LDLRAD4: variants seen among roughly 807,000 people sequenced by gnomAD.
LDLRAD4 encodes low-density lipoprotein receptor class A domain-containing protein 4.
LDLRAD4 carries 5 observed loss-of-function variants against 17.0 expected under a neutral mutation model. That is an observed-to-expected ratio of 0.29 (90% CI 0.15 to 0.62). The LOEUF (loss-of-function observed/expected upper bound fraction) is 0.62. LDLRAD4 is among the 20% of genes least tolerant of loss of function. LDLRAD4 has a pLI of 0.84. For missense variants in LDLRAD4, 340 were observed against 424.7 expected, an observed-to-expected ratio of 0.80 and a Z score of 1.75; for synonymous variants, 168 against 171.8, an observed-to-expected ratio of 0.98 and a Z score of 0.17.
At chr18:13,253,234 G>A (rs1185054134) in intron 1 of LDLRAD4, among the ~76,000 whole-genome samples, 2 of 152,036 alleles carry the variant, frequency 1.3e-5, no homozygotes, top group Non-Finnish European at 2.9e-5. Flanking sequence ...AGTGTCAGAC[G>A]TGGGGTGGGG....
chr18:13,267,415 C>T (rs895919856), intron 1 of LDLRAD4, among the ~76,000 whole-genome samples: 1 of 152,224 alleles, frequency 6.6e-6, no homozygotes, highest in Non-Finnish European at 1.5e-5. Flanking sequence ...CAGCATCACC[C>T]GTTCCACCTG....
chr18:13,522,595 A>G (rs924456653), intron 3 of LDLRAD4: 3 of 152,006 alleles, frequency 2.0e-5, no homozygotes, highest in Admixed American at 1.3e-4. Context: ...CCTGCTTGAA[A>G]TCCTCAACAG....
At chr18:13,502,822 G>A (rs2147311272) in intron 3 of LDLRAD4, among the ~76,000 whole-genome samples, 1 of 152,374 alleles carries the variant, frequency 6.6e-6, no homozygotes, top group South Asian at 2.1e-4. Flanking sequence ...AGCACAGCTG[G>A]TGGGGAACTT....
intron 3 of LDLRAD4, among the ~76,000 whole-genome samples, chr18:13,562,262 C>T (rs948522209): frequency 2.0e-5 from 3 of 152,208 alleles, no homozygotes; most frequent in Non-Finnish European, 2.9e-5. Flanking sequence ...GGTAGAGGGA[C>T]TGTCATGGAA....
chr18:13,454,563 C>T (rs2092018715), intron 3 of LDLRAD4, among the ~76,000 whole-genome samples: 1 of 152,210 alleles, frequency 6.6e-6, no homozygotes, highest in Non-Finnish European at 1.5e-5. Context: ...GAAACATACA[C>T]TCAGTGAGTA....
chr18:13,369,194 C>G (rs888269222), intron 1 of LDLRAD4, among the ~76,000 whole-genome samples: 1 of 152,238 alleles, frequency 6.6e-6, no homozygotes, highest in Non-Finnish European at 1.5e-5. Flanking sequence ...ATAGCGACCA[C>G]TTACTCACCT....
chr18:13,383,517 C>T (rs1000906261), intron 1 of LDLRAD4, among the ~76,000 whole-genome samples: 14 of 152,214 alleles, frequency 9.2e-5, no homozygotes, highest in African/African-American at 3.4e-4. Context: ...AGCTCATGAG[C>T]AGGAGGCTCA....
At chr18:13,255,519 A>T (rs916428203) in intron 1 of LDLRAD4, among the ~76,000 whole-genome samples, 1 of 152,216 alleles carries the variant, frequency 6.6e-6, no homozygotes, top group African/African-American at 2.4e-5. Context: ...ATGTGCACAT[A>T]CAGGCATGTG....
At chr18:13,490,154 T>C (rs2093329028) in intron 3 of LDLRAD4, 1 of 152,156 alleles carries the variant, frequency 6.6e-6, no homozygotes, top group African/African-American at 2.4e-5. Flanking sequence ...CCAAATGGCT[T>C]CCTGTGATCC....
At chr18:13,639,441 C>T (rs1239102323) in intron 4 of LDLRAD4, among the ~76,000 whole-genome samples, 1 of 152,252 alleles carries the variant, frequency 6.6e-6, no homozygotes, top group East Asian at 1.9e-4. Flanking sequence ...CAGCAGGCTT[C>T]ATCAGCAGCA....
intron 3 of LDLRAD4, among the ~76,000 whole-genome samples, chr18:13,482,258 C>T (rs2093108823): frequency 6.6e-6 from 1 of 152,122 alleles, no homozygotes; most frequent in Admixed American, 6.5e-5. Flanking sequence ...ACCCGCTGCC[C>T]ACCTCACCCC....
intron 3 of LDLRAD4, among the ~76,000 whole-genome samples, chr18:13,602,831 G>A (rs1474375407): frequency 6.6e-6 from 1 of 152,054 alleles, no homozygotes; most frequent in Non-Finnish European, 1.5e-5. Flanking sequence ...ACTTTTTCAA[G>A]TCACAAATAA....
At chr18:13,264,150 G>A (rs1053725962) in intron 1 of LDLRAD4, among the ~76,000 whole-genome samples, 4 of 152,168 alleles carry the variant, frequency 2.6e-5, no homozygotes, top group Non-Finnish European at 5.9e-5. Flanking sequence ...TGAGCAGTTG[G>A]TTGAGTGGGT....
chr18:13,310,447 G>C (rs964511672), intron 1 of LDLRAD4, among the ~76,000 whole-genome samples: 1 of 152,184 alleles, frequency 6.6e-6, no homozygotes, highest in African/African-American at 2.4e-5. Context: ...AGACGTTGTG[G>C]TTGAAAAGGA....
intron 3 of LDLRAD4, among the ~76,000 whole-genome samples, chr18:13,475,306 C>A (rs1458894323): frequency 6.6e-6 from 1 of 152,138 alleles, no homozygotes; most frequent in African/African-American, 2.4e-5. Context: ...ACAACAGGAT[C>A]CCTGGAGCCC....
intron 1 of LDLRAD4, among the ~76,000 whole-genome samples, chr18:13,299,722 A>G (rs1335589768): frequency 6.6e-6 from 1 of 152,134 alleles, no homozygotes; most frequent in East Asian, 1.9e-4. Context: ...CACAGCTGTA[A>G]TCCAAGCTAC....
At position 13,645,231 on chromosome 18, in the gene LDLRAD4, G is replaced by T; in HGVS notation, c.495G>T (p.Glu165Asp). The stretch of plus-strand genomic sequence containing the variant: ...CCACCTACCCCTATGTGCAGCACGA[G>T]ATTGATCTTCCTCCCACCATCTCCC... Residue 165 changes from glutamate (E) to aspartate (D), a missense_variant, in exon 6 of 6, where the codon GAG (glutamate) becomes GAT (aspartate). Coordinates refer to ENST00000359446, the Ensembl canonical transcript of LDLRAD4. This position sits in a 1 kb window ranked among gnomAD's most constrained non-coding sequence, Gnocchi z 5.7. 6.2e-7 allele frequency: 1 copy of T among 1,614,124 alleles called. No individual in the cohort carries two copies. Among genetic ancestry groups the T allele is most frequent in the African/African-American group, 1.3e-5 (1 of 75,030 alleles).
At chr18:13,324,717 T>G (rs1173594415) in intron 1 of LDLRAD4, among the ~76,000 whole-genome samples, 2 of 151,992 alleles carry the variant, frequency 1.3e-5, no homozygotes, top group East Asian at 3.9e-4. Context: ...CTCAATCAAT[T>G]TAGAGGCTCA....
chr18:13,349,797 C>G lies in LDLRAD4; in HGVS notation c.-382-37544C>G, dbSNP rs574332436. The stretch of plus-strand genomic sequence containing the variant: ...CTCCTTCGTCTCACCCCCCACCCCC[C>G]AACTGGCCCCAGTGTGTGTTGATCC... On this transcript the variant is annotated intron_variant, in intron 1 of 5. Transcript: ENST00000359446. Among the ~76,000 whole-genome samples, 15 of 152,180 alleles carry G rather than the reference C, an allele frequency of 9.9e-5. No individual in the cohort carries two copies. In the South Asian group the frequency reaches 2.9e-3, roughly 30 times the overall value.
Sources: gnomAD v4.1 joint callset for allele counts (sites outside exome capture counted in the v4.1 genomes callset) on GRCh38, gnomAD v4.1.1 for gene constraint, Gnocchi (gnomAD v3.1) non-coding constraint, MANE v1.5 for transcripts, NCBI Gene and HGNC (gene_info 2026-07-23, HGNC 2026-07-21) for gene names.